RRAGD: variants seen among roughly 807,000 people sequenced by gnomAD.
RRAGD encodes the protein ras-related GTP-binding protein D.
A neutral mutation model predicts 35.5 loss-of-function variants in RRAGD; 12 were observed. The observed-to-expected ratio is 0.34, with a 90% CI of 0.22 to 0.55. RRAGD has a LOEUF of 0.55. Ranked by LOEUF, RRAGD falls within the 20% of genes least tolerant of loss-of-function variation. The pLI is 0.91. For synonymous variants in RRAGD, 155 were observed against 178.9 expected, an observed-to-expected ratio of 0.87 and a Z score of 1.07; for missense variants, 324 against 490.1, an observed-to-expected ratio of 0.66 and a Z score of 3.20.
intron 1 of RRAGD, among the ~76,000 whole-genome samples, chr6:89,393,032 A>G (rs566711147): frequency 7.2e-5 from 11 of 152,360 alleles, no homozygotes; most frequent in Admixed American, 7.2e-4. Flanking sequence ...TTACAAGTCA[A>G]TCTTAGCAAG....
chr6:89,395,969 CAA>C (rs5878095), intron 1 of RRAGD, among the ~76,000 whole-genome samples: 2 of 145,654 alleles, frequency 1.4e-5, no homozygotes, highest in Admixed American at 6.9e-5. Flanking sequence ...ATCCATATGC[CAA>C]AAAAAAAAAA....
At chr6:89,383,561 G>A (rs766905532) in intron 2 of RRAGD, among the ~76,000 whole-genome samples, 6 of 152,178 alleles carry the variant, frequency 3.9e-5, no homozygotes, top group South Asian at 2.1e-4. Context: ...CACCAGCACA[G>A]GTCAAGAAGA....
At position 89,376,344 on chromosome 6, in the gene RRAGD, A is replaced by C. The variant is rs995051015; in HGVS notation, c.902+1327T>G. Among the ~76,000 whole-genome samples the C allele has an allele frequency of 2.2e-4, 33 of 150,214 alleles. 1 individual carries two copies. The highest frequency in any genetic ancestry group is 8.1e-4 in the African/African-American group (33 of 40,606). On this transcript the variant is annotated intron_variant, in intron 5 of 6. Transcript: ENST00000369415. ...GTGTGTGTGTGTGTGTGTGTCTAAC[A>C]GTTAACAGAGAGAATCCGAGCTGAG...
At position 89,387,597 on chromosome 6, in the gene RRAGD, A is replaced by G; in HGVS notation, c.149-7T>C. On this transcript the variant is annotated splice_region_variant and splice_polypyrimidine_tract_variant and intron_variant, in intron 1 of 6. Coordinates refer to ENST00000369415, the MANE Select transcript of RRAGD (RefSeq NM_021244.5). ...GGGTCACTGAAGTCCAGAACTGGAG[A>G]AACCACAAAATGAGAATGAAGGTGA... 3 of 1,603,346 alleles carry G rather than the reference A, an allele frequency of 1.9e-6. No individual in the cohort carries two copies. Among genetic ancestry groups the G allele is most frequent in the Non-Finnish European group, 2.6e-6 (3 of 1,174,172 alleles).
intron 1 of RRAGD, among the ~76,000 whole-genome samples, chr6:89,388,674 G>C (rs1161796946): frequency 1.3e-5 from 2 of 152,178 alleles, no homozygotes; most frequent in Admixed American, 1.3e-4. Context: ...GGGACCAGTG[G>C]GATGGTGGGG....
At position 89,412,136 on chromosome 6, in the gene RRAGD, T is replaced by G; in HGVS notation, c.-143A>C. The G allele has an allele frequency of 2.6e-6, 2 of 778,678 alleles. No homozygotes were observed. Among genetic ancestry groups the G allele is most frequent in the Non-Finnish European group, 1.7e-6 (1 of 572,884 alleles). The allele number at this position is 778,678 out of a possible 1,614,324, so 48.2% of individuals were successfully genotyped here. ...GCCCGGCGGAAGCGGGGGCCGCGCG[T>G]CCCCCGGCGGGCGGCGCCCAGGTCC... is the stretch of plus-strand genomic sequence containing the variant. On this transcript the variant is annotated 5_prime_UTR_variant, in exon 1 of 7. Coordinates refer to ENST00000369415, the MANE Select transcript of RRAGD (RefSeq NM_021244.5). The surrounding 1 kb of genome is among the most constrained non-coding windows in gnomAD (Gnocchi z 4.2).
chr6:89,403,179 C>T (rs762996053), intron 1 of RRAGD, among the ~76,000 whole-genome samples: 23 of 152,198 alleles, frequency 1.5e-4, no homozygotes, highest in Non-Finnish European at 2.9e-4. Context: ...CGGTGGCTCA[C>T]GCCTGTAATC....
intron 1 of RRAGD, among the ~76,000 whole-genome samples, chr6:89,408,681 T>C (rs1769636448): frequency 6.6e-6 from 1 of 152,192 alleles, no homozygotes; most frequent in Admixed American, 6.5e-5. Flanking sequence ...TTCACTGGAC[T>C]GTGGGTGAGC....
intron 2 of RRAGD, among the ~76,000 whole-genome samples, chr6:89,383,508 T>C (rs1418964831): frequency 6.6e-6 from 1 of 152,244 alleles, no homozygotes; most frequent in Non-Finnish European, 1.5e-5. Context: ...CTGCATAGTT[T>C]CTACTCTGAA....
intron 1 of RRAGD, among the ~76,000 whole-genome samples, chr6:89,405,716 G>A (rs945274558): frequency 2.6e-5 from 4 of 152,140 alleles, no homozygotes; most frequent in Non-Finnish European, 4.4e-5. Context: ...GAATTTCTTC[G>A]CTATTAGTAT....
rs545288332 is a variant in RRAGD at position 89,403,170 on chromosome 6, G to A, written c.148+8676C>T. 2.9e-3 allele frequency among the ~76,000 whole-genome samples: 436 copies of A among 152,246 alleles called. 1 individual carries two copies. The highest frequency in any genetic ancestry group is 9.9e-3 in the African/African-American group (413 of 41,542). ...TTTTTAAAAACTGTCGGCCGGGCGCGGTGGCTCACGCCTGTAATCTCAGCA... is the reference window on the plus strand; with the variant it reads ...TTTTTAAAAACTGTCGGCCGGGCGCAGTGGCTCACGCCTGTAATCTCAGCA... On this transcript the variant is annotated intron_variant, in intron 1 of 6. Transcript: ENST00000369415.
chr6:89,376,119 G>C (rs933481473), intron 5 of RRAGD, among the ~76,000 whole-genome samples: 4 of 152,026 alleles, frequency 2.6e-5, no homozygotes, highest in Non-Finnish European at 5.9e-5. Flanking sequence ...AATGCTTCAG[G>C]GCAGTAATCT....
At chr6:89,396,438 T>G (rs181454234) in intron 1 of RRAGD, among the ~76,000 whole-genome samples, 1 of 152,140 alleles carries the variant, frequency 6.6e-6, no homozygotes, top group Non-Finnish European at 1.5e-5. Flanking sequence ...TATTTATTTA[T>G]TTATTTACTG....
At chr6:89,400,129 C>T (rs997671741) in intron 1 of RRAGD, among the ~76,000 whole-genome samples, 31 of 152,272 alleles carry the variant, frequency 2.0e-4, no homozygotes, top group Middle Eastern at 3.4e-3. Flanking sequence ...GGACCTTCTC[C>T]TTGAGGTGTT....
At chr6:89,368,276 T>C (rs1301047271) in intron 6 of RRAGD, 69 bp from the exon 7 acceptor site, 44 of 1,475,436 alleles carry the variant, frequency 3.0e-5, no homozygotes, top group East Asian at 2.3e-5. Context: ...ATGGGACCCA[T>C]GGCCAGGACA....
rs939427305 is a variant in RRAGD at position 89,380,017 on chromosome 6, C to T, written c.644+151G>A. ...GATTAGCATTAGCACATGCAAAGCT[C>T]ATTTTCCCCTAATCCTATCCATCTA... On this transcript the variant is annotated intron_variant, in intron 3 of 6. Transcript: ENST00000369415. 9 of 707,536 alleles carry T rather than the reference C, an allele frequency of 1.3e-5. No homozygotes were observed. In the African/African-American group the frequency reaches 1.6e-4, roughly 13 times the overall value. 43.8% of individuals were successfully genotyped at this position (707,536 alleles called of 1,614,324 possible). A position where few individuals can be genotyped will look rare whatever the true frequency, so the allele number is the denominator to read the frequency against.
Position 89,412,257 on chromosome 6 carries a change from G to GGAGC in RRAGD, c.-265_-264insGCTC, listed in dbSNP as rs1769723949. ...AGCGCGGCAGTTCCTCCCGGAGGAG[G>GGAGC]GAGAGAGAGAGAGACTGCGTGACCC... is the stretch of plus-strand genomic sequence containing the variant. On this transcript the variant is annotated 5_prime_UTR_variant, in exon 1 of 7. Transcript: ENST00000369415. The surrounding 1 kb of genome is among the most constrained non-coding windows in gnomAD (Gnocchi z 4.2). 1 of 223,158 alleles carries GGAGC rather than the reference G, an allele frequency of 4.5e-6. No homozygotes were observed. The highest frequency in any genetic ancestry group is 2.4e-5 in the African/African-American group (1 of 42,106). The allele number at this position is 223,158 out of a possible 1,614,324, so 13.8% of individuals were successfully genotyped here. A position where few individuals can be genotyped will look rare whatever the true frequency, so the allele number is the denominator to read the frequency against.
At position 89,411,872 on chromosome 6, in the gene RRAGD, T is replaced by A; in HGVS notation, c.122A>T (p.Asp41Val). The A allele has an allele frequency of 6.5e-7, 1 of 1,549,636 alleles. No individual in the cohort carries two copies. The change falls in exon 1 of 7, where the codon GAT (aspartate) becomes GTT (valine). Residue 41 changes from aspartate to valine, a missense_variant. This residue lies in a region of RRAGD where 96 missense variants were observed against 78.7 expected (regional missense o/e 1.22). Coordinates refer to ENST00000369415, the MANE Select transcript of RRAGD (RefSeq NM_021244.5). This position sits in a 1 kb window ranked among gnomAD's most constrained non-coding sequence, Gnocchi z 5.6. ...TCCCTCCTCTGTGCCGCTGTCCGGA[T>A]CGGCGTCGGAGGAGTCGGGCCCGTC... is the stretch of plus-strand genomic sequence containing the variant. ...YGDGPDSSDA[D>V]PDSGTEEGVL...
Position 89,411,759 on chromosome 6 carries a change from T to C in RRAGD, c.148+87A>G. 3 of 1,415,492 alleles carry C rather than the reference T, an allele frequency of 2.1e-6. No homozygotes were observed. The highest frequency in any genetic ancestry group is 1.9e-6 in the Non-Finnish European group (2 of 1,061,506). The allele number at this position is 1,415,492 out of a possible 1,614,324, so 87.7% of individuals were successfully genotyped here. On this transcript the variant is annotated intron_variant, in intron 1 of 6. Transcript: ENST00000369415. The surrounding 1 kb of genome is among the most constrained non-coding windows in gnomAD (Gnocchi z 5.6). ...CTCCCCTGGACCCCCTCCAAGTCGG[T>C]GGCTCGCGCACGGCCGGGCTGGGGG...
Sources: allele counts gnomAD v4.1 joint callset (sites outside exome capture counted in the v4.1 genomes callset), GRCh38; gene constraint gnomAD v4.1.1; regional missense constraint gnomAD v4.1.1; non-coding constraint Gnocchi (gnomAD v3.1); transcripts MANE v1.5; gene names NCBI Gene and HGNC (gene_info 2026-07-23, HGNC 2026-07-21).